Variants in LRP1B observed in about 807,000 individuals in gnomAD.
The protein encoded by LRP1B is LDL receptor related protein 1B, also known as low-density lipoprotein receptor-related protein 1B.
In LRP1B, 217 loss-of-function variants were observed where a neutral mutation model predicts 556.6. The observed-to-expected ratio is 0.39, with a 90% CI of 0.35 to 0.44. The LOEUF (loss-of-function observed/expected upper bound fraction) is 0.44. Among genes scored for constraint, LRP1B ranks in the 20% least tolerant of loss-of-function variants. The pLI, the probability that LRP1B is intolerant of heterozygous loss-of-function variation, is 1.00. For missense variants in LRP1B, 5,053 were observed against 5,620.8 expected (o/e 0.90, Z 3.23); for synonymous variants, 2,047 against 1,865.8 (o/e 1.10, Z -2.50).
At chr2:140,563,414 T>C (rs561435996) in intron 43 of LRP1B, among the ~76,000 whole-genome samples, 1 of 13,220 alleles carries the variant, frequency 7.6e-5, no homozygotes, top group Non-Finnish European at 1.9e-4. Context: ...CTTGTCATGA[T>C]AATTTTAAAA....
At chr2:140,616,291 G>T (rs1267849346) in intron 41 of LRP1B, among the ~76,000 whole-genome samples, 1 of 151,896 alleles carries the variant, frequency 6.6e-6, no homozygotes, top group Non-Finnish European at 1.5e-5. Context: ...AATTACTAAA[G>T]AATGTGTTAC....
intron 47 of LRP1B, among the ~76,000 whole-genome samples, chr2:140,530,571 A>G (rs573115664): frequency 6.6e-6 from 1 of 152,228 alleles, no homozygotes; most frequent in Non-Finnish European, 1.5e-5. Context: ...GAAAAATCAA[A>G]ACTAAAAGAT....
At chr2:141,234,779 A>G (rs1292010753) in intron 5 of LRP1B, among the ~76,000 whole-genome samples, 2 of 152,212 alleles carry the variant, frequency 1.3e-5, no homozygotes, top group African/African-American at 4.8e-5. Flanking sequence ...AAGGAGAGAT[A>G]CAGAATCATG....
At chr2:142,015,386 G>A (rs781517737) in intron 1 of LRP1B, among the ~76,000 whole-genome samples, 1 of 152,116 alleles carries the variant, frequency 6.6e-6, no homozygotes, top group Non-Finnish European at 1.5e-5. Flanking sequence ...ATGGATTAAA[G>A]ACTTAAACAT....
chr2:140,464,436 TAGA>T (rs776036333), intron 60 of LRP1B, among the ~76,000 whole-genome samples: 2 of 152,256 alleles, frequency 1.3e-5, no homozygotes, highest in South Asian at 2.1e-4. Context: ...TTGCTTATAA[TAGA>T]AGGTCAAATA....
At chr2:140,286,575 C>T (rs544823877) in intron 84 of LRP1B, among the ~76,000 whole-genome samples, 1 of 151,808 alleles carries the variant, frequency 6.6e-6, no homozygotes, top group African/African-American at 2.4e-5. Context: ...TTTCAGCTTC[C>T]AGTGGTCATA....
rs150233912 is a variant in LRP1B, at chr2:141,110,538, C to A, written c.1014-48265G>T. ...ATATATCTAATTTAATAGGGAAAAG[C>A]GAAGGTGGAGAAAAACCTTTATGGG... On this transcript the variant is annotated intron_variant, in intron 7 of 90. Coordinates refer to ENST00000389484, the MANE Select transcript of LRP1B (RefSeq NM_018557.3). 5.3e-3 allele frequency among the ~76,000 whole-genome samples: 807 copies of A among 151,926 alleles called. 6 individuals are homozygous for A. The highest frequency in any genetic ancestry group is 0.016 in the African/African-American group (682 of 41,462).
chr2:141,221,288 T>TAAAA (rs3063857), intron 6 of LRP1B, among the ~76,000 whole-genome samples: 1 of 131,178 alleles, frequency 7.6e-6, no homozygotes, highest in African/African-American at 2.9e-5. Flanking sequence ...CCAACAAAGA[T>TAAAA]AAAAAAAAAA....
chr2:141,344,941 C>T (rs1050838281), intron 3 of LRP1B, among the ~76,000 whole-genome samples: 7 of 152,152 alleles, frequency 4.6e-5, no homozygotes, highest in African/African-American at 1.7e-4. Context: ...GGGGAAATTA[C>T]AGTTGCAGAT....
intron 18 of LRP1B, among the ~76,000 whole-genome samples, chr2:140,966,233 T>C (rs1277475421): frequency 6.6e-6 from 1 of 152,236 alleles, no homozygotes; most frequent in Non-Finnish European, 1.5e-5. Context: ...CCTGACTTTT[T>C]AATGATTGCC....
intron 3 of LRP1B, among the ~76,000 whole-genome samples, chr2:141,272,776 T>C (rs1195117341): frequency 1.3e-5 from 2 of 151,956 alleles, no homozygotes; most frequent in Non-Finnish European, 2.9e-5. Flanking sequence ...ACAACAATTA[T>C]AAACATAAAA....
At chr2:141,347,178 A>G (rs904297733) in intron 3 of LRP1B, among the ~76,000 whole-genome samples, 1 of 152,138 alleles carries the variant, frequency 6.6e-6, no homozygotes, top group African/African-American at 2.4e-5. Context: ...GACATTTTCT[A>G]AACATCTTAT....
chr2:141,300,377 G>A (rs1686343814), intron 3 of LRP1B, among the ~76,000 whole-genome samples: 1 of 152,014 alleles, frequency 6.6e-6, no homozygotes, highest in Non-Finnish European at 1.5e-5. Flanking sequence ...GTTGAGCATT[G>A]GATATAAGTA....
chr2:140,959,501 T>C (rs1236784600), intron 18 of LRP1B, among the ~76,000 whole-genome samples: 1 of 151,670 alleles, frequency 6.6e-6, no homozygotes, highest in African/African-American at 2.4e-5. Flanking sequence ...GTAGGTTTAA[T>C]GTAGTCCTAA....
intron 1 of LRP1B, among the ~76,000 whole-genome samples, chr2:141,824,497 T>G (rs1230266274): frequency 6.6e-6 from 1 of 152,146 alleles, no homozygotes; most frequent in Non-Finnish European, 1.5e-5. Flanking sequence ...GTAGAGTAGC[T>G]GGGACTACAG....
At chr2:141,850,972 T>A (rs2105774623) in intron 1 of LRP1B, among the ~76,000 whole-genome samples, 1 of 151,874 alleles carries the variant, frequency 6.6e-6, no homozygotes, top group East Asian at 1.9e-4. Flanking sequence ...TGTAAGAAGC[T>A]GACAGCCTTC....
chr2:141,694,256 A>ACCTCCC (rs1211317020), intron 2 of LRP1B, among the ~76,000 whole-genome samples: 5 of 152,040 alleles, frequency 3.3e-5, no homozygotes, highest in African/African-American at 1.2e-4. Flanking sequence ...TCAGAATAGA[A>ACCTCCC]AAGGCTGGGC....
intron 3 of LRP1B, among the ~76,000 whole-genome samples, chr2:141,406,093 T>C (rs1690622365): frequency 6.6e-6 from 1 of 152,072 alleles, no homozygotes; most frequent in South Asian, 2.1e-4. Flanking sequence ...ACAAACTAAT[T>C]TGATCCCTAA....
At chr2:141,308,658 T>TA (rs1425998042) in intron 3 of LRP1B, among the ~76,000 whole-genome samples, 1 of 152,218 alleles carries the variant, frequency 6.6e-6, no homozygotes. Flanking sequence ...ATTATATTAA[T>TA]AAAAAAATAG....
Sources: gnomAD v4.1 joint callset for allele counts (sites outside exome capture counted in the v4.1 genomes callset) on GRCh38, gnomAD v4.1.1 for gene constraint, MANE v1.5 for transcripts, NCBI Gene and HGNC (gene_info 2026-07-23, HGNC 2026-07-21) for gene names.